Variants in STAG1 observed in about 807,000 individuals in gnomAD.
STAG1 encodes the protein cohesin subunit SA-1.
STAG1 carries 26 observed loss-of-function variants against 170.9 expected under a neutral mutation model. The ratio of observed to expected loss-of-function variants is 0.15; its 90% CI spans 0.11 to 0.21. The LOEUF (loss-of-function observed/expected upper bound fraction) is 0.21, where lower values mean the gene tolerates loss of function less well. Ranked by LOEUF, STAG1 falls within the 10% of genes least tolerant of loss-of-function variation. The pLI is 1.00. For synonymous variants in STAG1, 514 were observed against 497.7 expected (o/e 1.03, Z -0.44); for missense variants, 964 against 1,509.5 (o/e 0.64, Z 5.99).
intron 23 of STAG1, among the ~76,000 whole-genome samples, chr3:136,372,258 T>C (rs1223563753): frequency 1.3e-5 from 2 of 152,198 alleles, no homozygotes; most frequent in African/African-American, 2.4e-5. Flanking sequence ...GCTGAGACGA[T>C]GGGGTTTTCT....
chr3:136,451,627 G>A (rs955322693), intron 14 of STAG1, among the ~76,000 whole-genome samples: 1 of 152,128 alleles, frequency 6.6e-6, no homozygotes, highest in African/African-American at 2.4e-5. Context: ...GCTGGGCGTG[G>A]TAGTGGGCAC....
chr3:136,344,909 C>T (rs1198279107), intron 29 of STAG1, among the ~76,000 whole-genome samples: 1 of 151,938 alleles, frequency 6.6e-6, no homozygotes, highest in Non-Finnish European at 1.5e-5. Flanking sequence ...CCACCACGCC[C>T]AGGCTTCTCT....
chr3:136,363,675 A>G (rs1012303187), intron 25 of STAG1, among the ~76,000 whole-genome samples: 2 of 152,218 alleles, frequency 1.3e-5, no homozygotes, highest in African/African-American at 4.8e-5. Context: ...AGGAATGCAC[A>G]TTTGATGTTT....
intron 1 of STAG1, among the ~76,000 whole-genome samples, chr3:136,693,754 G>A (rs1042453474): frequency 3.3e-5 from 5 of 150,756 alleles, no homozygotes; most frequent in Non-Finnish European, 5.9e-5. Context: ...TTTTTTTTAA[G>A]AGACGGGGTC....
In STAG1 at chr3:136,422,413, T is replaced by G; in HGVS notation, c.2034A>C (p.Gln678His). ...RFNHSVEDLL[Q>H]EGEEADDDDI... is the part of the protein sequence containing the mutation. Reference sequence around the variant, plus strand: ...ACACATTAACTTTAGAACAGACCTCTTGCAATAGGTCTTCCACAGAATGAT... The same window carrying G: ...ACACATTAACTTTAGAACAGACCTCGTGCAATAGGTCTTCCACAGAATGAT... The change falls in exon 19 of 34, where the codon CAA becomes CAC. Residue 678 changes from glutamine to histidine, a missense_variant. Gln to His is a conservative substitution (Grantham distance 24). This residue lies in a region of STAG1 where 232 missense variants were observed against 313.0 expected (regional missense o/e 0.74). Coordinates refer to ENST00000383202, the MANE Select transcript of STAG1 (RefSeq NM_005862.3). The G allele has an allele frequency of 1.2e-6, 2 of 1,613,964 alleles. No homozygotes were observed. The highest frequency in any genetic ancestry group is 1.7e-6 in the Non-Finnish European group (2 of 1,179,926).
At chr3:136,495,645 C>T (rs1341107647) in intron 9 of STAG1, among the ~76,000 whole-genome samples, 1 of 150,286 alleles carries the variant, frequency 6.7e-6, no homozygotes, top group African/African-American at 2.5e-5. Flanking sequence ...CCAGCCTGAC[C>T]AACATGGTGA....
At chr3:136,740,661 T>G (rs1269049319) in intron 1 of STAG1, among the ~76,000 whole-genome samples, 2 of 152,094 alleles carry the variant, frequency 1.3e-5, no homozygotes, top group Admixed American at 1.3e-4. Flanking sequence ...TTGTATTTTT[T>G]GTAGACACAG....
chr3:136,465,080 T>G (rs1269171987), intron 12 of STAG1, 92 bp from the exon 13 acceptor site: 1 of 833,516 alleles, frequency 1.2e-6, no homozygotes, highest in East Asian at 2.9e-5. Context: ...ATTATAAAGC[T>G]CAAGACTTAA....
intron 5 of STAG1, 68 bp downstream of exon 5, chr3:136,568,697 G>A (rs1937163945): frequency 9.7e-7 from 1 of 1,032,478 alleles, no homozygotes; most frequent in Non-Finnish European, 1.5e-6. Context: ...ACTAGTGGCA[G>A]GTGAAGTAAA....
intron 6 of STAG1, among the ~76,000 whole-genome samples, chr3:136,530,889 T>A (rs1935333777): frequency 6.6e-6 from 1 of 152,168 alleles, no homozygotes; most frequent in Non-Finnish European, 1.5e-5. Context: ...GTGGATCACC[T>A]GAGGTCAGGA....
At chr3:136,570,777 T>C (rs1386963379) in intron 4 of STAG1, among the ~76,000 whole-genome samples, 2 of 152,220 alleles carry the variant, frequency 1.3e-5, no homozygotes, top group East Asian at 1.9e-4. Context: ...TGACCTTCCA[T>C]TGGGAAGAAC....
intron 1 of STAG1, among the ~76,000 whole-genome samples, chr3:136,723,948 C>CA: frequency 6.7e-6 from 1 of 150,288 alleles, no homozygotes; most frequent in Non-Finnish European, 1.5e-5. Flanking sequence ...CAGCCCCCCG[C>CA]CAGGCCAGCC....
chr3:136,494,818 G>C (rs1039305591), intron 9 of STAG1, among the ~76,000 whole-genome samples: 1 of 152,052 alleles, frequency 6.6e-6, no homozygotes, highest in Admixed American at 6.5e-5. Context: ...TAATAACATC[G>C]TGCCTAATTT....
In STAG1 at chr3:136,343,913, A is replaced by G; in HGVS notation, c.3365T>C (p.Leu1122Pro). 1 of 1,611,444 alleles carries G rather than the reference A, an allele frequency of 6.2e-7. No individual in the cohort carries two copies. The highest frequency in any genetic ancestry group is 8.5e-7 in the Non-Finnish European group (1 of 1,178,856). ...TCCCATGGGCCGACTGTTCTCCCGC[A>G]GTACAGTGGATGTGAGTTGTGGTGC... is the stretch of plus-strand genomic sequence containing the variant. Reference protein sequence around the residue: ...LPAPQLTSTVLRENSRPMGDQ... With the variant: ...LPAPQLTSTVPRENSRPMGDQ... Residue 1122 changes from leucine (L) to proline (P), a missense_variant, in exon 30 of 34, where the codon CTG becomes CCG. Transcript: ENST00000383202.
At chr3:136,494,137 T>C (rs1932937429) in intron 9 of STAG1, among the ~76,000 whole-genome samples, 1 of 151,966 alleles carries the variant, frequency 6.6e-6, no homozygotes, top group Admixed American at 6.6e-5. Flanking sequence ...CCAGGTGTCG[T>C]GAAGCTTGCC....
chr3:136,744,327 C>A (rs1021246591), intron 1 of STAG1, among the ~76,000 whole-genome samples: 1 of 152,002 alleles, frequency 6.6e-6, no homozygotes, highest in South Asian at 2.1e-4. Context: ...AACTCCGTCT[C>A]CAAAATAAAA....
At chr3:136,346,861 C>T (rs1936241597) in intron 29 of STAG1, among the ~76,000 whole-genome samples, 1 of 152,106 alleles carries the variant, frequency 6.6e-6, no homozygotes, top group Non-Finnish European at 1.5e-5. Flanking sequence ...CACTTTGGGA[C>T]ACTGAGGCAT....
rs1303742757 is a variant in STAG1, at chr3:136,337,495, A to T, written c.*759T>A. 1 of 152,670 alleles carries T rather than the reference A, an allele frequency of 6.6e-6. No homozygotes were observed. Among genetic ancestry groups the T allele is most frequent in the Non-Finnish European group, 1.5e-5 (1 of 68,032 alleles). 9.5% of individuals were successfully genotyped at this position (152,670 alleles called of 1,614,324 possible). ...AAATGCACTGTATTTGAATCTCCCT[A>T]GTCTATATAAAATGAACGGTGTACA... is the stretch of plus-strand genomic sequence containing the variant. On this transcript the variant is annotated 3_prime_UTR_variant, in exon 34 of 34. Coordinates refer to ENST00000383202, the MANE Select transcript of STAG1 (RefSeq NM_005862.3).
At chr3:136,525,469 A>G (rs1169161473) in intron 6 of STAG1, among the ~76,000 whole-genome samples, 5 of 151,862 alleles carry the variant, frequency 3.3e-5, no homozygotes, top group Admixed American at 3.3e-4. Context: ...TATTGCGTCT[A>G]TTTGAGTCTT....
Sources: allele counts gnomAD v4.1 joint callset (sites outside exome capture counted in the v4.1 genomes callset), GRCh38; gene constraint gnomAD v4.1.1; regional missense constraint gnomAD v4.1.1; transcripts MANE v1.5; gene names NCBI Gene and HGNC (gene_info 2026-07-23, HGNC 2026-07-21).